The following PALLD variants were observed in gnomAD, a reference collection of about 807,000 sequenced individuals.
PALLD encodes palladin.
In PALLD, 61 loss-of-function variants were observed where a neutral mutation model predicts 123.5. That is an observed-to-expected ratio of 0.49 (90% confidence interval 0.40 to 0.61). The LOEUF is 0.61. Among genes scored for constraint, PALLD ranks in the 20% least tolerant of loss-of-function variants. The probability of loss-of-function intolerance (pLI) is 0.00; values close to 1 mark genes in which losing one functional copy is unlikely to be tolerated. For missense variants in PALLD, 1,273 were observed against 1,377.0 expected (o/e 0.92, Z 1.20); for synonymous variants, 465 against 496.4 (o/e 0.94, Z 0.84).
At chr4:168,846,303 T>G (rs926310088) in intron 10 of PALLD, among the ~76,000 whole-genome samples, 1 of 152,256 alleles carries the variant, frequency 6.6e-6, no homozygotes. Flanking sequence ...AACTGAAAGT[T>G]AAATATGTCC....
intron 10 of PALLD, among the ~76,000 whole-genome samples, chr4:168,740,251 T>C (rs1788197660): frequency 6.6e-6 from 1 of 152,228 alleles, no homozygotes; most frequent in South Asian, 2.1e-4. Context: ...AGTCACAAGA[T>C]TCTCTATAAT....
chr4:168,615,331 G>A (rs1008688826), intron 2 of PALLD, among the ~76,000 whole-genome samples: 6 of 152,076 alleles, frequency 3.9e-5, no homozygotes, highest in Admixed American at 1.3e-4. Flanking sequence ...CAAAGGGCTC[G>A]GGTATCAGGC....
chr4:168,619,752 A>T (rs1774573760), intron 2 of PALLD, among the ~76,000 whole-genome samples: 1 of 152,170 alleles, frequency 6.6e-6, no homozygotes, highest in African/African-American at 2.4e-5. Flanking sequence ...GCTTGGACTG[A>T]CACTTCTGTA....
At chr4:168,901,795 T>G (rs927976879) in intron 14 of PALLD, among the ~76,000 whole-genome samples, 5 of 152,100 alleles carry the variant, frequency 3.3e-5, no homozygotes, top group African/African-American at 1.2e-4. Context: ...GAGGCAGAAA[T>G]TGCAGTGAGC....
At chr4:168,712,782 C>T (rs1024245941) in intron 10 of PALLD, among the ~76,000 whole-genome samples, 2 of 152,120 alleles carry the variant, frequency 1.3e-5, no homozygotes, top group African/African-American at 4.8e-5. Flanking sequence ...AGGAAAGCCC[C>T]TTCTATTTAC....
chr4:168,588,470 C>T (rs1580449214), intron 2 of PALLD, among the ~76,000 whole-genome samples: 1 of 151,896 alleles, frequency 6.6e-6, no homozygotes, highest in Non-Finnish European at 1.5e-5. Context: ...GTGGCGTGCT[C>T]ACCTCACTTC....
In PALLD at chr4:168,541,410, A is replaced by G. The variant is rs80092499; in HGVS notation, c.908+28998A>G. On this transcript the variant is annotated intron_variant, in intron 2 of 21. Transcript: ENST00000505667. ...TTATTGTAAACTAAAACTAACTGGG[A>G]ATTGGGTTGTATTTATTTTACACTC... Among the ~76,000 whole-genome samples, 712 of 151,892 alleles carry G rather than the reference A, an allele frequency of 4.7e-3. 2 individuals are homozygous for G. Among genetic ancestry groups the G allele is most frequent in the South Asian group, 7.7e-3 (37 of 4,786 alleles).
intron 2 of PALLD, among the ~76,000 whole-genome samples, chr4:168,665,572 C>T (rs1439428041): frequency 1.3e-5 from 2 of 151,774 alleles, no homozygotes; most frequent in Non-Finnish European, 2.9e-5. Context: ...CAAAAACAAA[C>T]AAAAAAAATG....
chr4:168,917,990 G>A (rs1294431380), intron 17 of PALLD, among the ~76,000 whole-genome samples: 2 of 152,026 alleles, frequency 1.3e-5, no homozygotes, highest in Non-Finnish European at 2.9e-5. Context: ...CACGAGGTCA[G>A]GAGTTTGAGA....
intron 2 of PALLD, among the ~76,000 whole-genome samples, chr4:168,602,386 A>T (rs1276982984): frequency 6.6e-6 from 1 of 152,234 alleles, no homozygotes; most frequent in African/African-American, 2.4e-5. Flanking sequence ...ATCAACAAAT[A>T]TCACCCAGTG....
intron 10 of PALLD, among the ~76,000 whole-genome samples, chr4:168,760,091 T>C (rs1732616863): frequency 6.6e-6 from 1 of 151,956 alleles, no homozygotes; most frequent in Admixed American, 6.6e-5. Context: ...CTGCAAGGCA[T>C]GAGGCCTCTC....
intron 10 of PALLD, among the ~76,000 whole-genome samples, chr4:168,882,648 G>A (rs1185651917): frequency 1.3e-5 from 2 of 152,286 alleles, no homozygotes; most frequent in East Asian, 3.9e-4. Context: ...GGGGTTGGAG[G>A]TGTTATTACT....
chr4:168,514,392 G>A (rs1054983007), intron 2 of PALLD, among the ~76,000 whole-genome samples: 1 of 151,998 alleles, frequency 6.6e-6, no homozygotes, highest in Admixed American at 6.5e-5. Flanking sequence ...TTTTTCCCCC[G>A]ACCAATTTGT....
chr4:168,794,494 G>A (rs28650495), intron 10 of PALLD, among the ~76,000 whole-genome samples: 68 of 135,830 alleles, frequency 5.0e-4, no homozygotes, highest in Admixed American at 1.8e-3. Context: ...ACACATGCAC[G>A]CACACACACA....
intron 3 of PALLD, among the ~76,000 whole-genome samples, chr4:168,675,284 G>A (rs1308705034): frequency 6.6e-6 from 1 of 152,202 alleles, no homozygotes; most frequent in Non-Finnish European, 1.5e-5. Flanking sequence ...TAAAAAGGTA[G>A]GGAAGAGAAC....
intron 14 of PALLD, 123 bp from the exon 15 acceptor site, chr4:168,903,634 G>T: frequency 5.1e-6 from 4 of 789,786 alleles, no homozygotes; most frequent in South Asian, 2.9e-5. Flanking sequence ...CAGGTATTTG[G>T]TTTAACATTT....
chr4:168,784,281 T>C (rs1308861065), intron 10 of PALLD, among the ~76,000 whole-genome samples: 1 of 151,224 alleles, frequency 6.6e-6, no homozygotes, highest in Non-Finnish European at 1.5e-5. Flanking sequence ...TGCAGTAAGC[T>C]GTGATTGTGC....
chr4:168,508,798 T>A (rs2149418407), intron 1 of PALLD, among the ~76,000 whole-genome samples: 1 of 152,250 alleles, frequency 6.6e-6, no homozygotes, highest in South Asian at 2.1e-4. Flanking sequence ...CCTCTCCACC[T>A]TCATGTCTCT....
chr4:168,809,841 G>T (rs1740802852), intron 10 of PALLD, among the ~76,000 whole-genome samples: 1 of 150,164 alleles, frequency 6.7e-6, no homozygotes, highest in African/African-American at 2.5e-5. Context: ...TCCAGCCTGG[G>T]TGACAGAGAG....
Sources: allele counts gnomAD v4.1 joint callset (sites outside exome capture counted in the v4.1 genomes callset), GRCh38; gene constraint gnomAD v4.1.1; transcripts MANE v1.5; gene names NCBI Gene and HGNC (gene_info 2026-07-23, HGNC 2026-07-21).